Variants in PCDH15 observed in about 807,000 individuals in gnomAD.
PCDH15 encodes the protein protocadherin-15.
Under a neutral mutation model 178.5 loss-of-function variants are expected in PCDH15, and 129 were observed. That is an observed-to-expected ratio of 0.72 (90% CI 0.63 to 0.84). The LOEUF (loss-of-function observed/expected upper bound fraction) is 0.84. PCDH15 is among the 40% of genes least tolerant of loss of function. The pLI, the probability that PCDH15 is intolerant of heterozygous loss-of-function variation, is 0.00. For synonymous variants in PCDH15, 800 were observed against 732.0 expected, an observed-to-expected ratio of 1.09 and a Z score of -1.50; for missense variants, 2,230 against 2,099.9, an observed-to-expected ratio of 1.06 and a Z score of -1.21.
intron 1 of PCDH15, among the ~76,000 whole-genome samples, chr10:55,284,907 A>G (rs969615444): frequency 1.3e-5 from 2 of 151,918 alleles, no homozygotes; most frequent in Non-Finnish European, 2.9e-5. Flanking sequence ...TTCATAGGGA[A>G]TCAGAGTCTA....
intron 22 of PCDH15, among the ~76,000 whole-genome samples, chr10:53,960,637 T>A (rs1249717889): frequency 2.0e-5 from 3 of 152,192 alleles, no homozygotes; most frequent in Admixed American, 2.0e-4. Context: ...ATAAATTGTT[T>A]TGGAAGCTGC....
At chr10:54,628,008 A>G (rs2134615594) in intron 2 of PCDH15, among the ~76,000 whole-genome samples, 1 of 152,288 alleles carries the variant, frequency 6.6e-6, no homozygotes, top group Admixed American at 6.5e-5. Context: ...TTTCTTATTT[A>G]ATTCTCATAT....
intron 10 of PCDH15, among the ~76,000 whole-genome samples, chr10:54,205,404 C>T (rs1387296777): frequency 2.6e-5 from 4 of 151,664 alleles, no homozygotes; most frequent in African/African-American, 9.7e-5. Context: ...TAGGATCCTG[C>T]AGCTCACTGA....
intron 3 of PCDH15, among the ~76,000 whole-genome samples, chr10:54,462,224 A>G (rs1261924577): frequency 1.3e-5 from 2 of 151,972 alleles, no homozygotes; most frequent in African/African-American, 4.8e-5. Flanking sequence ...GACTTTCTGT[A>G]AAGTCGATAT....
intron 2 of PCDH15, among the ~76,000 whole-genome samples, chr10:54,641,856 T>C (rs2093997540): frequency 6.6e-6 from 1 of 151,932 alleles, no homozygotes; most frequent in Admixed American, 6.6e-5. Flanking sequence ...CCCCTTCCCC[T>C]GCCCCCACTG....
At chr10:55,475,968 T>C (rs1168026231) in intron 2 of PCDH15, among the ~76,000 whole-genome samples, 1 of 152,216 alleles carries the variant, frequency 6.6e-6, no homozygotes, top group East Asian at 1.9e-4. Context: ...TATATCTGAA[T>C]AACAGTCATC....
At chr10:55,240,126 T>G (rs1841501486) in intron 1 of PCDH15, among the ~76,000 whole-genome samples, 1 of 152,122 alleles carries the variant, frequency 6.6e-6, no homozygotes, top group African/African-American at 2.4e-5. Flanking sequence ...TGGAGGTTCC[T>G]CAAAAAACTA....
intron 2 of PCDH15, among the ~76,000 whole-genome samples, chr10:54,587,372 T>C (rs2091555178): frequency 6.6e-6 from 1 of 152,172 alleles, no homozygotes. Context: ...GCAAAATCCC[T>C]GTGGGAATAT....
intron 2 of PCDH15, among the ~76,000 whole-genome samples, chr10:55,586,956 T>C (rs1282044316): frequency 2.0e-5 from 3 of 152,212 alleles, no homozygotes; most frequent in Admixed American, 2.0e-4. Context: ...TTTTGACAAA[T>C]AAAATCAGAA....
intron 1 of PCDH15, among the ~76,000 whole-genome samples, chr10:55,287,018 T>C (rs1202655002): frequency 6.6e-6 from 1 of 152,000 alleles, no homozygotes; most frequent in Non-Finnish European, 1.5e-5. Flanking sequence ...ATTCATTTAT[T>C]TTATATTTAG....
intron 1 of PCDH15, among the ~76,000 whole-genome samples, chr10:54,709,411 A>C (rs1332075782): frequency 3.3e-5 from 5 of 151,742 alleles, no homozygotes; most frequent in Non-Finnish European, 7.4e-5. Context: ...GTTATACTGC[A>C]CAATCTATTT....
chr10:55,480,715 C>G (rs1347573188), intron 2 of PCDH15, among the ~76,000 whole-genome samples: 1 of 151,784 alleles, frequency 6.6e-6, no homozygotes, highest in Admixed American at 6.6e-5. Flanking sequence ...TTTTGATGTG[C>G]TGCTGGAGTC....
chr10:55,345,924 A>G (rs909585055), intron 2 of PCDH15, among the ~76,000 whole-genome samples: 2 of 152,108 alleles, frequency 1.3e-5, no homozygotes, highest in African/African-American at 2.4e-5. Flanking sequence ...GTGGATATTA[A>G]CAGTCATTAG....
intron 1 of PCDH15, among the ~76,000 whole-genome samples, chr10:55,271,107 A>G (rs1487296643): frequency 1.3e-5 from 2 of 152,102 alleles, no homozygotes; most frequent in Non-Finnish European, 2.9e-5. Flanking sequence ...GGACATAAAC[A>G]TGGGAACAGA....
chr10:54,134,613 C>A (rs954167828), intron 14 of PCDH15, among the ~76,000 whole-genome samples: 5 of 151,442 alleles, frequency 3.3e-5, no homozygotes, highest in African/African-American at 1.2e-4. Context: ...ATTAGCTTGG[C>A]GTGGTTGCGG....
chr10:54,017,270 C>T (rs1031228555), intron 20 of PCDH15, among the ~76,000 whole-genome samples: 1 of 152,010 alleles, frequency 6.6e-6, no homozygotes. Flanking sequence ...GGTGATCCAC[C>T]CACCTTGGTC....
chr10:54,259,192 G>T (rs533086392), intron 8 of PCDH15, among the ~76,000 whole-genome samples: 46 of 152,262 alleles, frequency 3.0e-4, no homozygotes, highest in African/African-American at 1.0e-3. Context: ...CATTTAACAG[G>T]CCTACTCTAA....
At chr10:55,137,453 A>T (rs10825470) in intron 2 of PCDH15, among the ~76,000 whole-genome samples, 26,423 of 152,078 alleles carry the variant, frequency 0.17, 2,823 homozygotes, top group East Asian at 0.26. Flanking sequence ...AGTACACTCC[A>T]TAATGTTTGC....
intron 21 of PCDH15, among the ~76,000 whole-genome samples, chr10:53,964,971 T>C (rs1311137228): frequency 6.6e-6 from 1 of 152,088 alleles, no homozygotes; most frequent in Non-Finnish European, 1.5e-5. Context: ...AGCTATCAGT[T>C]TGAGTATTTT....
Sources: allele counts gnomAD v4.1 joint callset (sites outside exome capture counted in the v4.1 genomes callset), GRCh38; gene constraint gnomAD v4.1.1; transcripts MANE v1.5; gene names NCBI Gene and HGNC (gene_info 2026-07-23, HGNC 2026-07-21).